Variants in IQSEC1 observed in about 807,000 individuals in gnomAD.
IQSEC1 encodes IQ motif and Sec7 domain ArfGEF 1, also known as IQ motif and SEC7 domain-containing protein 1.
IQSEC1 carries 31 observed loss-of-function variants against 91.0 expected under a neutral mutation model. The ratio of observed to expected loss-of-function variants is 0.34; its 90% confidence interval spans 0.26 to 0.46. The LOEUF (loss-of-function observed/expected upper bound fraction) is 0.46, where lower values mean the gene tolerates loss of function less well. IQSEC1 is among the 20% of genes least tolerant of loss of function. The pLI, the probability that IQSEC1 is intolerant of heterozygous loss-of-function variation, is 1.00. For synonymous variants in IQSEC1, 699 were observed against 662.6 expected (o/e 1.05, Z -0.84); for missense variants, 1,388 against 1,575.6 (o/e 0.88, Z 2.02).
Position 12,962,798 on chromosome 3 carries a change from C to A in IQSEC1, c.24-20933G>T, listed in dbSNP as rs555706913. Among the ~76,000 whole-genome samples the A allele has an allele frequency of 7.2e-4, 109 of 152,330 alleles. No individual in the cohort carries two copies. The Middle Eastern group carries it at 0.014, about 19-fold the overall frequency. On this transcript the variant is annotated intron_variant, in intron 1 of 13. Transcript: ENST00000613206. ...AATCCTGCCGGAGAGTCTGGGGATGCAGCTCTTGGGTTCTGTGGGGAAAGA... is the reference window on the plus strand; with the variant it reads ...AATCCTGCCGGAGAGTCTGGGGATGAAGCTCTTGGGTTCTGTGGGGAAAGA...
chr3:13,138,639 C>T (rs1337931836), intron 2 of IQSEC1, among the ~76,000 whole-genome samples: 2 of 152,124 alleles, frequency 1.3e-5, no homozygotes, highest in African/African-American at 4.8e-5. Flanking sequence ...CCATGATCAT[C>T]CTCTAGTTCA....
intron 9 of IQSEC1, among the ~76,000 whole-genome samples, chr3:12,912,581 G>A (rs1045770523): frequency 6.6e-6 from 1 of 150,886 alleles, no homozygotes; most frequent in African/African-American, 2.4e-5. Context: ...GGAGAATGGC[G>A]TGAACCCGGG....
intron 1 of IQSEC1, among the ~76,000 whole-genome samples, chr3:13,212,665 T>A (rs1694468342): frequency 6.6e-6 from 1 of 152,204 alleles, no homozygotes. Context: ...CACGTCCTCA[T>A]CTCCTCATCA....
At chr3:13,249,611 G>A (rs1197032857) in intron 1 of IQSEC1, among the ~76,000 whole-genome samples, 1 of 152,050 alleles carries the variant, frequency 6.6e-6, no homozygotes, top group East Asian at 1.9e-4. Context: ...TATGGAGTTC[G>A]AATACCAGCT....
At chr3:13,072,819 A>G (rs1023965085) in intron 1 of IQSEC1, among the ~76,000 whole-genome samples, 173 bp downstream of exon 1, 3 of 151,720 alleles carry the variant, frequency 2.0e-5, no homozygotes, top group African/African-American at 7.3e-5. Context: ...ACCAACAAAC[A>G]CCTCCGCTGC....
chr3:13,044,223 C>G (rs541244628), intron 1 of IQSEC1, among the ~76,000 whole-genome samples: 1 of 152,316 alleles, frequency 6.6e-6, no homozygotes, highest in East Asian at 1.9e-4. Context: ...CATCCCCCCA[C>G]CCCCAGGGAC....
At position 13,193,990 on chromosome 3, in the gene IQSEC1, T is replaced by A. The variant is rs1409615408; in HGVS notation, c.273-29857A>T. The stretch of plus-strand genomic sequence containing the variant: ...GGCAAGGGTGGTTTCTCTGGCAGCC[T>A]CTCTCCCTCCTTGGCTGGCCGACAG... On this transcript the variant is annotated intron_variant, in intron 1 of 15. Coordinates refer to the IQSEC1 transcript ENST00000648114. The surrounding 1 kb of genome is among the most constrained non-coding windows in gnomAD (Gnocchi z 4.2). Among the ~76,000 whole-genome samples, 1 of 152,168 alleles carries A rather than the reference T, an allele frequency of 6.6e-6. No homozygotes were observed. Among genetic ancestry groups the A allele is most frequent in the East Asian group, 1.9e-4 (1 of 5,196 alleles).
chr3:13,143,246 C>A (rs71306043), intron 2 of IQSEC1, among the ~76,000 whole-genome samples: 1 of 152,208 alleles, frequency 6.6e-6, no homozygotes, highest in Non-Finnish European at 1.5e-5. Flanking sequence ...TAACTGATGG[C>A]ACCAGGAGAA....
chr3:13,205,389 C>A (rs1301397187), intron 1 of IQSEC1, among the ~76,000 whole-genome samples: 1 of 152,098 alleles, frequency 6.6e-6, no homozygotes, highest in East Asian at 1.9e-4. Context: ...GCTCCAGTAC[C>A]AGGAAACAGC....
intron 2 of IQSEC1, among the ~76,000 whole-genome samples, chr3:13,078,971 CA>C: frequency 6.6e-6 from 1 of 152,360 alleles, no homozygotes; most frequent in Non-Finnish European, 1.5e-5. Flanking sequence ...GTAAATTGTG[CA>C]TTCCACGTGC....
chr3:13,022,091 A>C (rs165573), intron 1 of IQSEC1: 1,126,428 of 1,231,742 alleles, frequency 0.91, 515,478 homozygotes, highest in South Asian at 0.97. Flanking sequence ...GCACTGCCAT[A>C]CCCCTTCATG....
In IQSEC1 at chr3:13,103,807, C is replaced by T. The variant is rs1170197006; in HGVS notation, c.303-56285G>A. Among the ~76,000 whole-genome samples the T allele has an allele frequency of 1.3e-5, 2 of 152,172 alleles. No individual in the cohort carries two copies. Among genetic ancestry groups the T allele is most frequent in the African/African-American group, 4.8e-5 (2 of 41,432 alleles). On this transcript the variant is annotated intron_variant, in intron 2 of 15. Coordinates refer to the IQSEC1 transcript ENST00000648114. This position sits in a 1 kb window ranked among gnomAD's most constrained non-coding sequence, Gnocchi z 4.1. The stretch of plus-strand genomic sequence containing the variant: ...CTACGAGGGCAGGGGCTGTGTCTGC[C>T]TCCATCACTGCTCTCTCCCCAGCGT...
At chr3:13,213,238 A>C (rs1478527224) in intron 1 of IQSEC1, among the ~76,000 whole-genome samples, 3 of 152,212 alleles carry the variant, frequency 2.0e-5, no homozygotes, top group African/African-American at 7.2e-5. Context: ...GCAAGAGTCC[A>C]GATTCATTCT....
chr3:13,231,877 G>A (rs1406934990), intron 1 of IQSEC1, among the ~76,000 whole-genome samples: 1 of 152,180 alleles, frequency 6.6e-6, no homozygotes, highest in Non-Finnish European at 1.5e-5. Context: ...CCCCTTTGGC[G>A]ATGCCGTGCA....
At chr3:13,106,889 CTG>C in intron 2 of IQSEC1, among the ~76,000 whole-genome samples, 1 of 152,306 alleles carries the variant, frequency 6.6e-6, no homozygotes, top group South Asian at 2.1e-4. Flanking sequence ...CATTTTAAGA[CTG>C]TTTGAGAAGA....
chr3:13,235,189 G>A (rs753704923), intron 1 of IQSEC1, among the ~76,000 whole-genome samples: 3 of 152,182 alleles, frequency 2.0e-5, no homozygotes, highest in Admixed American at 1.3e-4. Flanking sequence ...GGGCTGCCCC[G>A]TCTCACAGAG....
At chr3:13,181,918 G>A (rs992095268) in intron 1 of IQSEC1, among the ~76,000 whole-genome samples, 42 of 152,238 alleles carry the variant, frequency 2.8e-4, no homozygotes, top group Admixed American at 1.3e-4. Context: ...TTCCCCAAGA[G>A]CAGTGACTGC....
intron 2 of IQSEC1, among the ~76,000 whole-genome samples, chr3:13,151,162 C>T (rs1351127781): frequency 3.9e-5 from 6 of 152,184 alleles, no homozygotes; most frequent in African/African-American, 7.2e-5. Flanking sequence ...CCAGCAACCT[C>T]GTTGCAAAGG....
At chr3:13,224,193 T>A (rs944428426) in intron 1 of IQSEC1, among the ~76,000 whole-genome samples, 1 of 152,046 alleles carries the variant, frequency 6.6e-6, no homozygotes, top group Non-Finnish European at 1.5e-5. Flanking sequence ...AGAGCCGACA[T>A]CGACCTCACT....
Sources: gnomAD v4.1 joint callset for allele counts (sites outside exome capture counted in the v4.1 genomes callset) on GRCh38, gnomAD v4.1.1 for gene constraint, Gnocchi (gnomAD v3.1) non-coding constraint, MANE v1.5 for transcripts, NCBI Gene and HGNC (gene_info 2026-07-23, HGNC 2026-07-21) for gene names.